SGCD: variants seen among roughly 807,000 people sequenced by gnomAD.
SGCD encodes the protein delta-sarcoglycan.
In SGCD, 18 loss-of-function variants were observed where a neutral mutation model predicts 36.6. The observed-to-expected ratio is 0.49, with a 90% CI of 0.34 to 0.73. The LOEUF (loss-of-function observed/expected upper bound fraction) is 0.73. Among genes scored for constraint, SGCD ranks in the 30% least tolerant of loss-of-function variants. SGCD has a pLI of 0.01. For synonymous variants in SGCD, 133 were observed against 130.6 expected (o/e 1.02, Z -0.12); for missense variants, 387 against 346.7 (o/e 1.12, Z -0.92).
intron 7 of SGCD, among the ~76,000 whole-genome samples, chr5:156,722,337 C>T (rs775349595): frequency 6.6e-6 from 1 of 152,212 alleles, no homozygotes; most frequent in Non-Finnish European, 1.5e-5. Context: ...AGAAGATAAT[C>T]TGAGCAGGCA....
intron 1 of SGCD, among the ~76,000 whole-genome samples, chr5:155,888,742 G>A (rs1197230659): frequency 6.6e-6 from 1 of 152,212 alleles, no homozygotes. Context: ...TCTCTTGAAT[G>A]AGCTCCTTAG....
At chr5:155,924,766 A>T (rs1756961491) in intron 1 of SGCD, among the ~76,000 whole-genome samples, 1 of 152,248 alleles carries the variant, frequency 6.6e-6, no homozygotes, top group African/African-American at 2.4e-5. Context: ...AATTTTCATT[A>T]TTTGTTCATT....
At chr5:156,619,369 G>T (rs1762155441) in intron 6 of SGCD, among the ~76,000 whole-genome samples, 1 of 152,156 alleles carries the variant, frequency 6.6e-6, no homozygotes, top group Non-Finnish European at 1.5e-5. Context: ...AGATGGTTTT[G>T]TTTTTCTGTT....
At chr5:155,748,417 C>A in the SGCD span, among the ~76,000 whole-genome samples, 5 of 152,074 alleles carry the variant, frequency 3.3e-5, no homozygotes, top group Non-Finnish European at 5.9e-5. Context: ...CTCTATCCTA[C>A]CTAATCTGAC....
chr5:155,828,777 A>G, the SGCD span, among the ~76,000 whole-genome samples: 1 of 151,452 alleles, frequency 6.6e-6, no homozygotes, highest in African/African-American at 2.4e-5. Flanking sequence ...ACCTCCGCCT[A>G]CTGGGTTCAA....
intron 1 of SGCD, among the ~76,000 whole-genome samples, chr5:156,037,674 A>C (rs1165923676): frequency 6.6e-6 from 1 of 152,184 alleles, no homozygotes; most frequent in African/African-American, 2.4e-5. Flanking sequence ...ATAAAAGATA[A>C]TTGGGAATGA....
intron 3 of SGCD, among the ~76,000 whole-genome samples, chr5:156,183,324 A>G (rs1274240743): frequency 6.6e-6 from 1 of 152,212 alleles, no homozygotes; most frequent in Non-Finnish European, 1.5e-5. Context: ...TGAAAATAGG[A>G]TGAGATTGAA....
chr5:156,704,711 T>C (rs1384596474), intron 7 of SGCD, among the ~76,000 whole-genome samples: 1 of 152,180 alleles, frequency 6.6e-6, no homozygotes, highest in East Asian at 1.9e-4. Flanking sequence ...AGATACAAAA[T>C]GGTATCTTCG....
At chr5:156,742,516 GATA>G (rs1173963630) in intron 7 of SGCD, among the ~76,000 whole-genome samples, 1 of 151,980 alleles carries the variant, frequency 6.6e-6, no homozygotes, top group East Asian at 1.9e-4. Context: ...CTTCCACCTG[GATA>G]ATAACAGACT....
chr5:155,903,194 A>G (rs1459725901), intron 1 of SGCD, among the ~76,000 whole-genome samples: 2 of 152,148 alleles, frequency 1.3e-5, no homozygotes, highest in East Asian at 1.9e-4. Context: ...TCTCTTTCTC[A>G]TGGGCTGTGC....
chr5:155,912,413 A>G (rs1163832246), intron 1 of SGCD, among the ~76,000 whole-genome samples: 2 of 151,976 alleles, frequency 1.3e-5, no homozygotes, highest in African/African-American at 2.4e-5. Flanking sequence ...TGCCTTCAAC[A>G]TTTTTCTTTT....
upstream of SGCD, among the ~76,000 whole-genome samples, chr5:155,866,245 C>T (rs1417596930): frequency 6.6e-6 from 1 of 152,134 alleles, no homozygotes; most frequent in Non-Finnish European, 1.5e-5. Flanking sequence ...ACCTCTCTCT[C>T]TTTCTCTCTC....
At position 156,361,048 on chromosome 5, in the gene SGCD, G is replaced by C. The variant is rs187698716; in HGVS notation, c.192+16371G>C. On this transcript the variant is annotated intron_variant, in intron 3 of 8. Transcript: ENST00000337851. ...AGAACTAAGAGAATACTGTAATGCT[G>C]TAAGCCCCTCTGGGGCTTCGGGGTC... Among the ~76,000 whole-genome samples the C allele has an allele frequency of 1.4e-4, 21 of 152,332 alleles. No homozygotes were observed. The East Asian group carries it at 3.3e-3, about 24-fold the overall frequency.
intron 1 of SGCD, among the ~76,000 whole-genome samples, chr5:156,083,771 A>C (rs1304757980): frequency 6.6e-6 from 1 of 151,434 alleles, no homozygotes; most frequent in African/African-American, 2.4e-5. Context: ...GCTTTAGATC[A>C]GGTTTTTTTT....
intron 1 of SGCD, among the ~76,000 whole-genome samples, chr5:156,001,208 A>G (rs1758658504): frequency 1.3e-5 from 2 of 152,138 alleles, no homozygotes; most frequent in African/African-American, 4.8e-5. Context: ...GGTCGCTACA[A>G]TTTCCCACGT....
At chr5:156,652,684 A>C (rs1763506842) in intron 7 of SGCD, among the ~76,000 whole-genome samples, 1 of 152,076 alleles carries the variant, frequency 6.6e-6, no homozygotes, top group African/African-American at 2.4e-5. Context: ...GAATGTTTCC[A>C]GCTTTTGCCC....
chr5:156,305,136 T>G (rs1767170409), intron 3 of SGCD, among the ~76,000 whole-genome samples: 1 of 152,194 alleles, frequency 6.6e-6, no homozygotes, highest in Admixed American at 6.5e-5. Flanking sequence ...TTTGCTTAAG[T>G]AATGAGGAGC....
chr5:156,017,728 A>G (rs1294230150), intron 1 of SGCD, among the ~76,000 whole-genome samples: 1 of 152,136 alleles, frequency 6.6e-6, no homozygotes, highest in East Asian at 1.9e-4. Flanking sequence ...CTAAGAATGA[A>G]TCATATTGTC....
chr5:156,029,844 T>C (rs563151770), intron 1 of SGCD, among the ~76,000 whole-genome samples: 3 of 152,286 alleles, frequency 2.0e-5, no homozygotes, highest in African/African-American at 7.2e-5. Flanking sequence ...ATTGACAATA[T>C]TTCGTTCATA....
Sources: gnomAD v4.1 joint callset for allele counts (sites outside exome capture counted in the v4.1 genomes callset) on GRCh38, gnomAD v4.1.1 for gene constraint, MANE v1.5 for transcripts, NCBI Gene and HGNC (gene_info 2026-07-23, HGNC 2026-07-21) for gene names.